The following LIN28A variants were observed in gnomAD, a reference collection of about 807,000 sequenced individuals.
The protein encoded by LIN28A is protein lin-28 homolog A.
LIN28A carries 11 observed loss-of-function variants against 21.1 expected under a neutral mutation model. The ratio of observed to expected loss-of-function variants is 0.52; its 90% confidence interval spans 0.33 to 0.86. LIN28A has a LOEUF of 0.86. LIN28A is among the 40% of genes least tolerant of loss of function. The probability of loss-of-function intolerance (pLI) is 0.03; values close to 1 mark genes in which losing one functional copy is unlikely to be tolerated. For missense variants in LIN28A, 219 were observed against 279.8 expected (o/e 0.78, Z 1.55); for synonymous variants, 111 against 108.7 (o/e 1.02, Z -0.13).
In LIN28A at chr1:26,411,240, G is replaced by A. The variant is rs2074956646; in HGVS notation, c.32-146G>A. The A allele has an allele frequency of 7.2e-6, 6 of 833,086 alleles. No homozygotes were observed. Among genetic ancestry groups the A allele is most frequent in the African/African-American group, 3.5e-5 (2 of 57,634 alleles). 51.6% of individuals were successfully genotyped at this position (833,086 alleles called of 1,614,324 possible). A position where few individuals can be genotyped will look rare whatever the true frequency, so the allele number is the denominator to read the frequency against. On this transcript the variant is annotated intron_variant, in intron 1 of 3. Coordinates refer to ENST00000326279, the MANE Select transcript of LIN28A (RefSeq NM_024674.6). This position sits in a 1 kb window ranked among gnomAD's most constrained non-coding sequence, Gnocchi z 5.4. ...GGGAACGCGGGAGGCGACCGGGATAGGTTTCTTCTCTTCTGTTGCTTGGTA... is the reference window on the plus strand; with the variant it reads ...GGGAACGCGGGAGGCGACCGGGATAAGTTTCTTCTCTTCTGTTGCTTGGTA...
Position 26,426,266 on chromosome 1 carries a change from T to A in LIN28A, c.438T>A (p.Asp146Glu). 6.2e-7 allele frequency: 1 copy of A among 1,614,130 alleles called. No homozygotes were observed. Among genetic ancestry groups the A allele is most frequent in the Non-Finnish European group, 8.5e-7 (1 of 1,180,010 alleles). Residue 146 changes from aspartate (D) to glutamate (E), a missense_variant, in exon 4 of 4, where the codon GAT (aspartate) becomes GAA (glutamate). Coordinates refer to ENST00000326279, the MANE Select transcript of LIN28A (RefSeq NM_024674.6). ...GGTGCTACAACTGTGGAGGTCTAGA[T>A]CATCATGCCAAGGAATGCAAGCTGC... is the stretch of plus-strand genomic sequence containing the variant. The part of the protein sequence containing the change: ...GDRCYNCGGL[D>E]HHAKECKLPP...
At chr1:26,425,807 A>T (rs2075055451) in intron 3 of LIN28A, among the ~76,000 whole-genome samples, 1 of 152,246 alleles carries the variant, frequency 6.6e-6, no homozygotes, top group African/African-American at 2.4e-5. Context: ...GGGACAAGAC[A>T]GTATTATCTA....
chr1:26,428,035 C>T lies in LIN28A; in HGVS notation c.*1577C>T, dbSNP rs1330436686. On this transcript the variant is annotated 3_prime_UTR_variant, in exon 4 of 4. Transcript: ENST00000326279. ...GTCTGATCCTGGGTTCTTGTCTCCC[C>T]TAAATGCTGCCCCCCAAGTTACTGT... 6.5e-6 allele frequency: 1 copy of T among 152,684 alleles called. No individual in the cohort carries two copies. Among genetic ancestry groups the T allele is most frequent in the Non-Finnish European group, 1.5e-5 (1 of 68,088 alleles). 9.5% of individuals were successfully genotyped at this position (152,684 alleles called of 1,614,324 possible). A position where few individuals can be genotyped will look rare whatever the true frequency, so the allele number is the denominator to read the frequency against.
Position 26,411,717 on chromosome 1 carries a change from C to A in LIN28A, c.228+135C>A. The stretch of plus-strand genomic sequence containing the variant: ...TGCATCCCTGTCTTTGCTTCGGCAC[C>A]CCAATTCTGAGTCCCTGTTAACTAT... On this transcript the variant is annotated intron_variant, in intron 2 of 3. Coordinates refer to ENST00000326279, the MANE Select transcript of LIN28A (RefSeq NM_024674.6). This position sits in a 1 kb window ranked among gnomAD's most constrained non-coding sequence, Gnocchi z 5.4. 1 of 842,012 alleles carries A rather than the reference C, an allele frequency of 1.2e-6. No individual in the cohort carries two copies. Among genetic ancestry groups the A allele is most frequent in the East Asian group, 2.8e-5 (1 of 36,314 alleles). The allele number at this position is 842,012 out of a possible 1,614,324, so 52.2% of individuals were successfully genotyped here.
chr1:26,418,347 C>T (rs985772941), intron 2 of LIN28A, among the ~76,000 whole-genome samples: 1 of 152,058 alleles, frequency 6.6e-6, no homozygotes, highest in African/African-American at 2.4e-5. Context: ...GAGATCGAGA[C>T]CATCCTGGCT....
chr1:26,422,241 C>G (rs1362178414), intron 2 of LIN28A, among the ~76,000 whole-genome samples: 5 of 151,918 alleles, frequency 3.3e-5, no homozygotes, highest in Non-Finnish European at 7.4e-5. Context: ...AATTCCTGGG[C>G]TCAAGCAATC....
intron 2 of LIN28A, among the ~76,000 whole-genome samples, chr1:26,414,975 G>T (rs969671859): frequency 1.3e-4 from 20 of 152,072 alleles, no homozygotes; most frequent in Admixed American, 6.6e-5. Flanking sequence ...CTCATTTTGG[G>T]CCATTTTAAG....
intron 2 of LIN28A, among the ~76,000 whole-genome samples, chr1:26,415,364 G>A (rs2074986802): frequency 6.6e-6 from 1 of 152,098 alleles, no homozygotes; most frequent in East Asian, 1.9e-4. Context: ...GGGGCGGGTG[G>A]GGAAATATAC....
Position 26,411,375 on chromosome 1 carries a change from C to T in LIN28A, c.32-11C>T. 6.4e-7 allele frequency: 1 copy of T among 1,570,896 alleles called. No homozygotes were observed. The highest frequency in any genetic ancestry group is 1.2e-5 in the South Asian group (1 of 86,644). ...CCCCCCAGCTAAGTGCCCGGCCCTC[C>T]CTCTCTCCAGGTGGCTGCGCCAAGG... is the stretch of plus-strand genomic sequence containing the variant. On this transcript the variant is annotated splice_polypyrimidine_tract_variant and intron_variant, in intron 1 of 3. Transcript: ENST00000326279. The surrounding 1 kb of genome is among the most constrained non-coding windows in gnomAD (Gnocchi z 5.4).
chr1:26,415,938 T>G (rs1325742103), intron 2 of LIN28A, among the ~76,000 whole-genome samples: 1 of 152,212 alleles, frequency 6.6e-6, no homozygotes, highest in Non-Finnish European at 1.5e-5. Context: ...CATTGTGGAA[T>G]CTTCTGGGGT....
At chr1:26,424,482 C>T (rs899399024) in intron 2 of LIN28A, among the ~76,000 whole-genome samples, 1 of 152,012 alleles carries the variant, frequency 6.6e-6, no homozygotes, top group Admixed American at 6.6e-5. Context: ...CCTCGTGATC[C>T]ACCTGCTTCA....
At position 26,411,555 on chromosome 1, in the gene LIN28A, C is replaced by G. The variant is rs753525399; in HGVS notation, c.201C>G (p.Asp67Glu). The change falls in exon 2 of 4, where the codon GAC becomes GAG. Residue 67 changes from aspartate (D) to glutamate (E), a missense_variant. This residue lies in a region of LIN28A where 124 missense variants were observed against 193.1 expected (regional missense o/e 0.64). Coordinates refer to ENST00000326279, the MANE Select transcript of LIN28A (RefSeq NM_024674.6). The surrounding 1 kb of genome is among the most constrained non-coding windows in gnomAD (Gnocchi z 5.4). ...CCGCCCGCGCCGGGGTCGCGCTCGA[C>G]CCCCCAGTGGATGTCTTTGTGCACC... The part of the protein sequence containing the change: ...SMTARAGVAL[D>E]PPVDVFVHQS... 1 of 1,613,524 alleles carries G rather than the reference C, an allele frequency of 6.2e-7. No homozygotes were observed. Among genetic ancestry groups the G allele is most frequent in the Non-Finnish European group, 8.5e-7 (1 of 1,179,858 alleles).
chr1:26,429,526 G>C lies in LIN28A; in HGVS notation c.*3068G>C, dbSNP rs1160532532. ...TTCCTGATCCTTTTCCCTCATTCCT[G>C]AACTGCAGGAGACTGAGCCCCTTTG... On this transcript the variant is annotated 3_prime_UTR_variant, in exon 4 of 4. Coordinates refer to ENST00000326279, the MANE Select transcript of LIN28A (RefSeq NM_024674.6). 1 of 152,404 alleles carries C rather than the reference G, an allele frequency of 6.6e-6. No homozygotes were observed. The highest frequency in any genetic ancestry group is 2.4e-5 in the African/African-American group (1 of 41,420). 9.4% of individuals were successfully genotyped at this position (152,404 alleles called of 1,614,324 possible).
Position 26,423,413 on chromosome 1 carries a change from CTTTTTTTTTTTT to C in LIN28A, c.229-1878_229-1867del, listed in dbSNP as rs1202952934. Reference sequence around the variant, plus strand: ...TTATGATTTCCTTTTTTTTCTTTTTCTTTTTTTTTTTTTTTTTTTTTTTGTTGTTGTTGTTGC... The same window carrying C: ...TTATGATTTCCTTTTTTTTCTTTTTCTTTTTTTTTTTGTTGTTGTTGTTGC... On this transcript the variant is annotated intron_variant, in intron 2 of 3. Coordinates refer to ENST00000326279, the MANE Select transcript of LIN28A (RefSeq NM_024674.6). Among the ~76,000 whole-genome samples the C allele has an allele frequency of 6.3e-5, 5 of 78,822 alleles. 1 individual carries two copies. Among genetic ancestry groups the C allele is most frequent in the Admixed American group, 2.1e-4 (1 of 4,852 alleles). 51.7% of individuals were successfully genotyped at this position (78,822 alleles called of 152,430 possible).
rs541487624 is a variant in LIN28A at position 26,411,340 on chromosome 1, C to T, written c.32-46C>T. 1.3e-6 allele frequency: 2 copies of T among 1,482,012 alleles called. No homozygotes were observed. Among genetic ancestry groups the T allele is most frequent in the Admixed American group, 2.5e-5 (1 of 40,386 alleles). 91.8% of individuals were successfully genotyped at this position (1,482,012 alleles called of 1,614,324 possible). A position where few individuals can be genotyped will look rare whatever the true frequency, so the allele number is the denominator to read the frequency against. Reference sequence around the variant, plus strand: ...CTGCCTGGGGCCCGAGACGGCCCTCCGATTCCGTGCCCCCCAGCTAAGTGC... The same window carrying T: ...CTGCCTGGGGCCCGAGACGGCCCTCTGATTCCGTGCCCCCCAGCTAAGTGC... On this transcript the variant is annotated intron_variant, in intron 1 of 3. Transcript: ENST00000326279. This position sits in a 1 kb window ranked among gnomAD's most constrained non-coding sequence, Gnocchi z 5.4.
rs568890712 is a variant in LIN28A at position 26,411,948 on chromosome 1, C to G, written c.228+366C>G. On this transcript the variant is annotated intron_variant, in intron 2 of 3. Coordinates refer to ENST00000326279, the MANE Select transcript of LIN28A (RefSeq NM_024674.6). The surrounding 1 kb of genome is among the most constrained non-coding windows in gnomAD (Gnocchi z 5.4). ...GCAGGCCGGCCAGGGAAGCACATGC[C>G]GGGCCTAAGCCGGGAGCCCAGCTCC... Among the ~76,000 whole-genome samples, 120 of 152,316 alleles carry G rather than the reference C, an allele frequency of 7.9e-4. No individual in the cohort carries two copies. The highest frequency in any genetic ancestry group is 2.0e-3 in the Admixed American group (30 of 15,304).
intron 2 of LIN28A, among the ~76,000 whole-genome samples, chr1:26,415,236 T>C (rs1226348738): frequency 1.3e-5 from 2 of 152,208 alleles, no homozygotes; most frequent in African/African-American, 4.8e-5. Context: ...AGACAACTGC[T>C]GAAATTGCCC....
In LIN28A at chr1:26,429,155, A is replaced by G. The variant is rs926469548; in HGVS notation, c.*2697A>G. 2 of 162,922 alleles carry G rather than the reference A, an allele frequency of 1.2e-5. No homozygotes were observed. The highest frequency in any genetic ancestry group is 2.6e-5 in the Non-Finnish European group (2 of 76,642). 10.1% of individuals were successfully genotyped at this position (162,922 alleles called of 1,614,324 possible). ...CACTCCAGCCTGGTTACAGAGCAAGACTCTGTCTCAAACAAAACAAAACAA... is the reference window on the plus strand; with the variant it reads ...CACTCCAGCCTGGTTACAGAGCAAGGCTCTGTCTCAAACAAAACAAAACAA... On this transcript the variant is annotated 3_prime_UTR_variant, in exon 4 of 4. Coordinates refer to ENST00000326279, the MANE Select transcript of LIN28A (RefSeq NM_024674.6).
chr1:26,427,344 G>T lies in LIN28A; in HGVS notation c.*886G>T, dbSNP rs1044959871. 1.3e-5 allele frequency: 2 copies of T among 152,628 alleles called. No homozygotes were observed. The highest frequency in any genetic ancestry group is 4.8e-5 in the African/African-American group (2 of 41,442). The allele number at this position is 152,628 out of a possible 1,614,324, so 9.5% of individuals were successfully genotyped here. A position where few individuals can be genotyped will look rare whatever the true frequency, so the allele number is the denominator to read the frequency against. On this transcript the variant is annotated 3_prime_UTR_variant, in exon 4 of 4. Transcript: ENST00000326279. Reference sequence around the variant, plus strand: ...TGCCACCGTGGAGAGCAACTATTTGGAGTGCACAGCCTATTGAACTACCTC... The same window carrying T: ...TGCCACCGTGGAGAGCAACTATTTGTAGTGCACAGCCTATTGAACTACCTC...
Sources: gnomAD v4.1 joint callset for allele counts (sites outside exome capture counted in the v4.1 genomes callset) on GRCh38, gnomAD v4.1.1 for gene constraint, gnomAD v4.1.1 regional missense constraint, Gnocchi (gnomAD v3.1) non-coding constraint, MANE v1.5 for transcripts, NCBI Gene and HGNC (gene_info 2026-07-23, HGNC 2026-07-21) for gene names.